The following NCBP1 variants were observed in gnomAD, a reference collection of about 807,000 sequenced individuals.
The protein encoded by NCBP1 is nuclear cap binding protein subunit 1.
In NCBP1, 16 loss-of-function variants were observed where a neutral mutation model predicts 111.7. That is an observed-to-expected ratio of 0.14 (90% CI 0.10 to 0.22). The LOEUF (loss-of-function observed/expected upper bound fraction) is 0.22. Ranked by LOEUF, NCBP1 falls within the 10% of genes least tolerant of loss-of-function variation. NCBP1 has a pLI of 1.00. For missense variants in NCBP1, 607 were observed against 957.5 expected, an observed-to-expected ratio of 0.63 and a Z score of 4.83; for synonymous variants, 304 against 314.3, an observed-to-expected ratio of 0.97 and a Z score of 0.35.
Position 97,660,957 on chromosome 9 carries a change from G to C in NCBP1, c.1489G>C (p.Gly497Arg). The C allele has an allele frequency of 6.2e-7, 1 of 1,610,588 alleles. No homozygotes were observed. The highest frequency in any genetic ancestry group is 8.5e-7 in the Non-Finnish European group (1 of 1,178,860). ...YGDESSNSLPGHSVALCLAVA... is the reference protein window; with the variant it reads ...YGDESSNSLPRHSVALCLAVA... ...AATTCTGTGTTTAGATTCTCTTCCTGGACATTCTGTTGCCCTCTGTTTAGC... is the reference window on the plus strand; with the variant it reads ...AATTCTGTGTTTAGATTCTCTTCCTCGACATTCTGTTGCCCTCTGTTTAGC... The change falls in exon 16 of 23, where the codon GGA (glycine) becomes CGA (arginine). Residue 497 changes from glycine to arginine, a missense_variant. By Grantham distance (125) the Gly-to-Arg change is moderately radical. Transcript: ENST00000375147.
At chr9:97,645,003 A>G in intron 4 of NCBP1, 114 bp from the exon 5 acceptor site, 1 of 689,944 alleles carries the variant, frequency 1.4e-6, no homozygotes, top group South Asian at 2.1e-5. Context: ...GGCTAGATTC[A>G]GCCCTTAGGC....
At chr9:97,640,915 G>C (rs781085976) in intron 2 of NCBP1, 33 bp downstream of exon 2, 27 of 1,452,652 alleles carry the variant, frequency 1.9e-5, no homozygotes, top group Non-Finnish European at 2.5e-5. Context: ...GCTGTGATGG[G>C]TTTAAGAATG....
intron 14 of NCBP1, among the ~76,000 whole-genome samples, chr9:97,658,378 C>G (rs1296571022): frequency 6.6e-6 from 1 of 152,210 alleles, no homozygotes; most frequent in African/African-American, 2.4e-5. Context: ...CCACCATGCC[C>G]CATCATCACC....
At chr9:97,640,018 G>A (rs1367335788) in intron 1 of NCBP1, among the ~76,000 whole-genome samples, 2 of 152,172 alleles carry the variant, frequency 1.3e-5, no homozygotes, top group Non-Finnish European at 2.9e-5. Context: ...GCTAGTTAAA[G>A]CAGGAATTGT....
chr9:97,657,310 A>C (rs1827689329), intron 14 of NCBP1, among the ~76,000 whole-genome samples: 1 of 152,168 alleles, frequency 6.6e-6, no homozygotes, highest in African/African-American at 2.4e-5. Context: ...TTGAGTTGTC[A>C]TTCTCTTCAG....
chr9:97,655,685 C>T lies in NCBP1; in HGVS notation c.1236-17C>T, dbSNP rs1827632069. On this transcript the variant is annotated splice_polypyrimidine_tract_variant and intron_variant, in intron 12 of 22. Transcript: ENST00000375147. The stretch of plus-strand genomic sequence containing the variant: ...ATTCTTCCTTTTTCTCTGCCTACCT[C>T]CCCCTTCTCTACGTAGGTTTATTAA... 6.3e-7 allele frequency: 1 copy of T among 1,598,514 alleles called. No individual in the cohort carries two copies. The highest frequency in any genetic ancestry group is 8.5e-7 in the Non-Finnish European group (1 of 1,171,250).
chr9:97,667,872 G>T (rs1828055627), intron 20 of NCBP1, among the ~76,000 whole-genome samples: 1 of 152,192 alleles, frequency 6.6e-6, no homozygotes, highest in South Asian at 2.1e-4. Flanking sequence ...TTGAAGAAAG[G>T]TCTATCTATT....
intron 13 of NCBP1, 64 bp from the exon 14 acceptor site, chr9:97,655,947 T>C (rs1221054963): frequency 6.8e-6 from 10 of 1,465,630 alleles, no homozygotes; most frequent in Admixed American, 5.4e-5. Context: ...CAGATAATTA[T>C]AGTACAAATG....
rs1376069763 is a variant in NCBP1, at chr9:97,671,862, G to C, written c.*663G>C. ...TATTTTGAAATTTAAACCACCGTCT[G>C]GGGGTGGAACGCAGACATCCTCAGT... On this transcript the variant is annotated 3_prime_UTR_variant, in exon 23 of 23. Coordinates refer to ENST00000375147, the MANE Select transcript of NCBP1 (RefSeq NM_002486.5). 6.6e-6 allele frequency: 1 copy of C among 152,182 alleles called. No individual in the cohort carries two copies. The highest frequency in any genetic ancestry group is 6.5e-5 in the Admixed American group (1 of 15,272). The allele number at this position is 152,182 out of a possible 1,614,324, so 9.4% of individuals were successfully genotyped here.
At chr9:97,665,743 C>T (rs917331892) in intron 19 of NCBP1, among the ~76,000 whole-genome samples, 6 of 151,952 alleles carry the variant, frequency 3.9e-5, no homozygotes, top group African/African-American at 1.2e-4. Flanking sequence ...TTAGAGACAC[C>T]GACTTCGCCC....
intron 3 of NCBP1, among the ~76,000 whole-genome samples, chr9:97,642,344 G>T (rs545348411): frequency 6.6e-6 from 1 of 152,128 alleles, no homozygotes; most frequent in East Asian, 1.9e-4. Flanking sequence ...TTGGTTTTGG[G>T]AGGGTTTCAG....
At chr9:97,648,744 TCTTA>T (rs1302234320) in intron 8 of NCBP1, among the ~76,000 whole-genome samples, 5 of 152,042 alleles carry the variant, frequency 3.3e-5, no homozygotes, top group Non-Finnish European at 5.9e-5. Flanking sequence ...CGAAATGGGG[TCTTA>T]CTTTGTTGCC....
intron 11 of NCBP1, 84 bp downstream of exon 11, chr9:97,653,992 T>G: frequency 8.1e-7 from 1 of 1,232,586 alleles, no homozygotes; most frequent in Non-Finnish European, 1.1e-6. Flanking sequence ...GGGTTTAAAT[T>G]TTGTAGGTAA....
Position 97,671,425 on chromosome 9 carries a change from G to T in NCBP1, c.*226G>T. 1 of 434,610 alleles carries T rather than the reference G, an allele frequency of 2.3e-6. No individual in the cohort carries two copies. The highest frequency in any genetic ancestry group is 4.1e-6 in the Non-Finnish European group (1 of 242,234). 26.9% of individuals were successfully genotyped at this position (434,610 alleles called of 1,614,324 possible). A position where few individuals can be genotyped will look rare whatever the true frequency, so the allele number is the denominator to read the frequency against. On this transcript the variant is annotated 3_prime_UTR_variant, in exon 23 of 23. Transcript: ENST00000375147. The stretch of plus-strand genomic sequence containing the variant: ...TATGACCATGATATATTATATATGT[G>T]ACAGATACAAATTCTCTGTGATCAG...
chr9:97,660,990 T>C lies in NCBP1; in HGVS notation c.1522T>C (p.Phe508Leu). 2 of 1,612,792 alleles carry C rather than the reference T, an allele frequency of 1.2e-6. No homozygotes were observed. Among genetic ancestry groups the C allele is most frequent in the Non-Finnish European group, 1.7e-6 (2 of 1,179,724 alleles). The part of the protein sequence containing the change: ...HSVALCLAVA[F>L]KSKATNDEIF... ...TGTTGCCCTCTGTTTAGCTGTTGCC[T>C]TTAAAAGTAAGGCAACCAATGATGA... The change falls in exon 16 of 23, where the codon TTT (phenylalanine) becomes CTT (leucine). Residue 508 changes from phenylalanine to leucine, a missense_variant. Physicochemically the swap from Phe to Leu is conservative, Grantham distance 22 (BLOSUM62 0). Coordinates refer to ENST00000375147, the MANE Select transcript of NCBP1 (RefSeq NM_002486.5).
At chr9:97,662,000 C>A (rs1827853468) in intron 16 of NCBP1, 42 bp from the exon 17 acceptor site, 1 of 1,409,728 alleles carries the variant, frequency 7.1e-7, no homozygotes, top group Non-Finnish European at 1.0e-6. Context: ...CAAGGAATTG[C>A]TGTGCTTACA....
chr9:97,653,885 C>A lies in NCBP1; in HGVS notation c.1147C>A (p.Gln383Lys). Reference sequence around the variant, plus strand: ...ACTCCTCATTGAACTGTGCAAACTTCAACCTGGCTCTCTACCCCAAGTTGT... The same window carrying A: ...ACTCCTCATTGAACTGTGCAAACTTAAACCTGGCTCTCTACCCCAAGTTGT... ...TTLLIELCKL[Q>K]PGSLPQVLAQ... Residue 383 changes from glutamine (Q) to lysine (K), a missense_variant, in exon 11 of 23, where the codon CAA becomes AAA. By Grantham distance (53) the Gln-to-Lys change is moderately conservative. Transcript: ENST00000375147. The A allele has an allele frequency of 6.2e-7, 1 of 1,613,352 alleles. No homozygotes were observed. Among genetic ancestry groups the A allele is most frequent in the Non-Finnish European group, 8.5e-7 (1 of 1,179,476 alleles).
At position 97,672,158 on chromosome 9, in the gene NCBP1, G is replaced by A. The variant is rs1376765178; in HGVS notation, c.*959G>A. 7 of 152,144 alleles carry A rather than the reference G, an allele frequency of 4.6e-5. No homozygotes were observed. The allele number at this position is 152,144 out of a possible 1,614,324, so 9.4% of individuals were successfully genotyped here. ...CTGATGCTGAAATAAGATGACAGCA[G>A]TTTGTAAAATAATACACAAATATGA... On this transcript the variant is annotated 3_prime_UTR_variant, in exon 23 of 23. Transcript: ENST00000375147.
chr9:97,662,469 A>G (rs1269220540), intron 17 of NCBP1, among the ~76,000 whole-genome samples: 1 of 152,208 alleles, frequency 6.6e-6, no homozygotes. Flanking sequence ...GTAAGAAGAA[A>G]TTAGAATCAG....
Sources: allele counts gnomAD v4.1 joint callset (sites outside exome capture counted in the v4.1 genomes callset), GRCh38; gene constraint gnomAD v4.1.1; transcripts MANE v1.5; gene names NCBI Gene and HGNC (gene_info 2026-07-23, HGNC 2026-07-21).